Variants in TRIM66 observed in about 807,000 individuals in gnomAD.
The protein encoded by TRIM66 is tripartite motif containing 66, also known as tripartite motif-containing protein 66.
Under a neutral mutation model 148.2 loss-of-function variants are expected in TRIM66, and 99 were observed. The observed-to-expected ratio is 0.67, with a 90% CI of 0.57 to 0.79. TRIM66 has a LOEUF of 0.79. TRIM66 is among the 30% of genes least tolerant of loss of function. TRIM66 has a pLI of 0.00. For synonymous variants in TRIM66, 616 were observed against 635.9 expected, an observed-to-expected ratio of 0.97 and a Z score of 0.47; for missense variants, 1,666 against 1,697.9, an observed-to-expected ratio of 0.98 and a Z score of 0.33.
In TRIM66 at chr11:8,640,900, AAGCTGTGGGCTGGGTGT is replaced by A. The variant is rs1238653785; in HGVS notation, c.1458_1474del (p.His487GlnfsTer5). The A allele has an allele frequency of 1.3e-5, 20 of 1,550,374 alleles. No individual in the cohort carries two copies. The highest frequency in any genetic ancestry group is 1.7e-5 in the Non-Finnish European group (20 of 1,146,880). ...GGGCACCATCTCAGGGGGCTGCCTG[AAGCTGTGGGCTGGGTGT>A]ATGCTGGGTGGGGGGACCTGGCCTT... On this transcript the variant is annotated frameshift_variant, in exon 14 of 25. Coordinates refer to ENST00000646038, the MANE Select transcript of TRIM66 (RefSeq NM_001388022.1). LOFTEE classifies it high-confidence loss of function.
chr11:8,655,220 G>GA (rs1332469137), intron 6 of TRIM66, among the ~76,000 whole-genome samples: 1 of 152,162 alleles, frequency 6.6e-6, no homozygotes, highest in Non-Finnish European at 1.5e-5. Context: ...TCACAGCACT[G>GA]AAAGTAGTAA....
At chr11:8,636,262 C>A (rs758180851) in intron 15 of TRIM66, among the ~76,000 whole-genome samples, 1 of 152,064 alleles carries the variant, frequency 6.6e-6, no homozygotes, top group African/African-American at 2.4e-5. Flanking sequence ...TAGCCACCCC[C>A]ACCCCTTCCC....
chr11:8,647,714 A>G (rs570332426), intron 10 of TRIM66, among the ~76,000 whole-genome samples: 1 of 152,194 alleles, frequency 6.6e-6, no homozygotes, highest in South Asian at 2.1e-4. Context: ...GCTAGTTCAT[A>G]AGGCATATTC....
intron 18 of TRIM66, among the ~76,000 whole-genome samples, chr11:8,622,389 A>C (rs2034377615): frequency 3.3e-5 from 2 of 60,852 alleles, no homozygotes; most frequent in East Asian, 3.6e-4. Context: ...TATATCTCCT[A>C]CTTGTTCTGT....
intron 15 of TRIM66, among the ~76,000 whole-genome samples, chr11:8,636,603 T>C (rs962475170): frequency 2.6e-5 from 4 of 152,096 alleles, no homozygotes; most frequent in African/African-American, 9.7e-5. Flanking sequence ...GGGCTTTCTC[T>C]GCCTTACCTA....
At chr11:8,662,405 A>G (rs1565561947) in intron 6 of TRIM66, among the ~76,000 whole-genome samples, 1 of 152,188 alleles carries the variant, frequency 6.6e-6, no homozygotes, top group East Asian at 1.9e-4. Context: ...ATATTCCTAA[A>G]GTCCCAAGGC....
chr11:8,650,585 T>C (rs996712078), intron 7 of TRIM66, among the ~76,000 whole-genome samples: 4 of 152,066 alleles, frequency 2.6e-5, no homozygotes, highest in African/African-American at 9.7e-5. Flanking sequence ...GACACCCAGA[T>C]GCGTAAGCCA....
Position 8,671,843 on chromosome 11 carries a change from G to A in TRIM66, c.283C>T (p.Gln95Ter). The A allele has an allele frequency of 6.5e-7, 1 of 1,532,730 alleles. No homozygotes were observed. The highest frequency in any genetic ancestry group is 8.7e-7 in the Non-Finnish European group (1 of 1,143,802). The allele number at this position is 1,532,730 out of a possible 1,614,324, so 94.9% of individuals were successfully genotyped here. The stretch of plus-strand genomic sequence containing the variant: ...TGCCCTAGCTCCTGTATCAAGCCCT[G>A]GAAGCAGTCCTTACGGAGCAAATGC... Reference protein sequence around the residue: ...CQHLLRKDCFQGLIQELGQIA... With the variant: ...CQHLLRKDCF The change falls in exon 6 of 25, where the codon CAG becomes TAG. Residue 95 changes from glutamine (Q) to a stop codon, truncating the protein, a stop_gained. Coordinates refer to ENST00000646038, the MANE Select transcript of TRIM66 (RefSeq NM_001388022.1). LOFTEE classifies it high-confidence loss of function.
At chr11:8,677,113 T>G (rs2039212921) in intron 3 of TRIM66, among the ~76,000 whole-genome samples, 1 of 152,180 alleles carries the variant, frequency 6.6e-6, no homozygotes, top group Non-Finnish European at 1.5e-5. Context: ...ACATTGGGAA[T>G]AAGAATTTCA....
intron 6 of TRIM66, among the ~76,000 whole-genome samples, chr11:8,665,987 C>A (rs1034344089): frequency 2.4e-4 from 37 of 151,730 alleles, no homozygotes; most frequent in African/African-American, 8.9e-4. Context: ...AACTTTTTAC[C>A]CATAAACGTA....
In TRIM66 at chr11:8,640,943, T is replaced by G. The variant is rs780247109; in HGVS notation, c.1432A>C (p.Lys478Gln). Reference protein sequence around the residue: ...SHCSPVSPSLKGQVPPPSIHP... With the variant: ...SHCSPVSPSLQGQVPPPSIHP... ...ATGCTGGGTGGGGGGACCTGGCCTT[T>G]GAGGGAAGGCGAGACTGGGGAGCAG... The change falls in exon 14 of 25, where the codon AAA (lysine) becomes CAA (glutamine). Residue 478 changes from lysine (K) to glutamine (Q), a missense_variant. This residue lies in a region of TRIM66 where 1,431 missense variants were observed against 1,412.4 expected (regional missense o/e 1.01). Transcript: ENST00000646038. The G allele has an allele frequency of 2.3e-5, 35 of 1,550,882 alleles. No homozygotes were observed. The highest frequency in any genetic ancestry group is 3.0e-5 in the Non-Finnish European group (34 of 1,146,942).
intron 15 of TRIM66, among the ~76,000 whole-genome samples, chr11:8,637,898 G>A (rs1474356851): frequency 6.6e-6 from 1 of 152,218 alleles, no homozygotes; most frequent in Non-Finnish European, 1.5e-5. Context: ...CTAGATGTAT[G>A]ACAGGGGTTG....
intron 18 of TRIM66, among the ~76,000 whole-genome samples, chr11:8,622,560 G>A (rs1216246674): frequency 6.6e-6 from 1 of 151,230 alleles, no homozygotes; most frequent in Non-Finnish European, 1.5e-5. Flanking sequence ...AAGCCCTATG[G>A]TGTAGTCCTG....
chr11:8,647,349 C>T (rs542409110), intron 10 of TRIM66, among the ~76,000 whole-genome samples: 4 of 152,226 alleles, frequency 2.6e-5, no homozygotes, highest in Non-Finnish European at 5.9e-5. Flanking sequence ...AAACCCAGCA[C>T]AGTCACTGGC....
chr11:8,655,484 C>A (rs141607996), intron 6 of TRIM66, among the ~76,000 whole-genome samples: 1,816 of 152,130 alleles, frequency 0.012, 17 homozygotes, highest in Non-Finnish European at 0.02. Context: ...AGCAGCCAGA[C>A]GTTTTTTTTT....
chr11:8,623,993 C>T lies in TRIM66; in HGVS notation c.3019+366G>A, dbSNP rs151076339. Among the ~76,000 whole-genome samples the T allele has an allele frequency of 2.1e-3, 320 of 152,296 alleles. 1 individual carries two copies. Among genetic ancestry groups the T allele is most frequent in the African/African-American group, 7.3e-3 (304 of 41,566 alleles). On this transcript the variant is annotated intron_variant, in intron 17 of 24. Coordinates refer to ENST00000646038, the MANE Select transcript of TRIM66 (RefSeq NM_001388022.1). ...TCACAGGGAGAGAGAACTGGTTTAC[C>T]AAATTCCATCTATCGGACTCCAAAG...
At chr11:8,654,825 T>C (rs963173891) in intron 6 of TRIM66, among the ~76,000 whole-genome samples, 2 of 152,210 alleles carry the variant, frequency 1.3e-5, no homozygotes, top group African/African-American at 4.8e-5. Flanking sequence ...TAGTTGATGA[T>C]GGTAAATGAG....
At chr11:8,638,297 G>A (rs1440424646) in intron 15 of TRIM66, among the ~76,000 whole-genome samples, 3 of 152,208 alleles carry the variant, frequency 2.0e-5, no homozygotes, top group Non-Finnish European at 4.4e-5. Flanking sequence ...GCTGTACAAT[G>A]GGGATGCTCA....
intron 4 of TRIM66, among the ~76,000 whole-genome samples, chr11:8,674,446 C>T (rs539847443): frequency 6.6e-6 from 1 of 152,094 alleles, no homozygotes; most frequent in Non-Finnish European, 1.5e-5. Flanking sequence ...GGCAGTCGTG[C>T]GAAGTTCACT....
Sources: gnomAD v4.1 joint callset for allele counts (sites outside exome capture counted in the v4.1 genomes callset) on GRCh38, gnomAD v4.1.1 for gene constraint, gnomAD v4.1.1 regional missense constraint, MANE v1.5 for transcripts, NCBI Gene and HGNC (gene_info 2026-07-23, HGNC 2026-07-21) for gene names.